Variants in ANO4 observed in about 807,000 individuals in gnomAD.
The protein encoded by ANO4 is anoctamin 4.
A neutral mutation model predicts 141.9 loss-of-function variants in ANO4; 69 were observed. The observed-to-expected ratio is 0.49, with a 90% confidence interval of 0.40 to 0.59. The LOEUF (loss-of-function observed/expected upper bound fraction) is 0.59. Among genes scored for constraint, ANO4 ranks in the 20% least tolerant of loss-of-function variants. The pLI is 0.00. For synonymous variants in ANO4, 350 were observed against 394.3 expected (o/e 0.89, Z 1.33); for missense variants, 894 against 1,162.2 (o/e 0.77, Z 3.36).
At chr12:101,126,188 T>C (rs916767765) in intron 26 of ANO4, among the ~76,000 whole-genome samples, 2 of 152,218 alleles carry the variant, frequency 1.3e-5, no homozygotes, top group Non-Finnish European at 2.9e-5. Flanking sequence ...GAAGAATACT[T>C]AGCAGTATCA....
At chr12:100,926,540 A>T (rs1051868770) in intron 3 of ANO4, among the ~76,000 whole-genome samples, 3 of 152,084 alleles carry the variant, frequency 2.0e-5, no homozygotes, top group Admixed American at 6.6e-5. Context: ...GTTCAACAGG[A>T]AAACAACTTG....
chr12:100,971,489 T>C, intron 6 of ANO4, 83 bp downstream of exon 6: 1 of 1,025,816 alleles, frequency 9.7e-7, no homozygotes, highest in Non-Finnish European at 1.4e-6. Context: ...CAAATAAAAC[T>C]GAAATGCAGA....
chr12:101,077,462 A>G (rs919364578), intron 14 of ANO4, among the ~76,000 whole-genome samples: 5 of 152,198 alleles, frequency 3.3e-5, no homozygotes, highest in Non-Finnish European at 7.3e-5. Flanking sequence ...AGCAAGACTC[A>G]CTGGAAGGAC....
chr12:101,008,975 T>C (rs1301417343), intron 8 of ANO4, among the ~76,000 whole-genome samples: 3 of 152,156 alleles, frequency 2.0e-5, no homozygotes, highest in African/African-American at 7.2e-5. Context: ...CTTTTTTTAT[T>C]GTACCCTCAT....
At chr12:100,989,750 TATGGATGGATGGATGGATGGATGG>T (rs370125379) in intron 8 of ANO4, among the ~76,000 whole-genome samples, 1 of 115,400 alleles carries the variant, frequency 8.7e-6, no homozygotes. Flanking sequence ...TGGATGGATA[TATGGATGGATGGATGGATGGATGG>T]ATGGATGGAT....
intron 2 of ANO4, among the ~76,000 whole-genome samples, chr12:100,908,088 G>A (rs1265999480): frequency 2.0e-5 from 3 of 152,298 alleles, no homozygotes; most frequent in East Asian, 1.9e-4. Context: ...GGATGAGTAC[G>A]GTGGCTCACG....
chr12:100,963,550 A>T (rs909042254), intron 5 of ANO4, among the ~76,000 whole-genome samples: 8 of 152,088 alleles, frequency 5.3e-5, no homozygotes, highest in Admixed American at 5.2e-4. Context: ...ATTGCATCCG[A>T]ATCAGCTGAA....
chr12:101,090,735 CTTAAA>C (rs778875990), intron 17 of ANO4, among the ~76,000 whole-genome samples: 31 of 151,594 alleles, frequency 2.0e-4, no homozygotes, highest in Non-Finnish European at 4.3e-4. Flanking sequence ...TACCCTAGAA[CTTAAA>C]TTAAAAAAAA....
chr12:100,952,081 G>A (rs887356307), intron 5 of ANO4, among the ~76,000 whole-genome samples: 1 of 152,182 alleles, frequency 6.6e-6, no homozygotes, highest in Admixed American at 6.5e-5. Context: ...TGTCTAGGGG[G>A]TAGCGCTTCC....
chr12:100,899,884 CCCA>C (rs2040509083), intron 1 of ANO4, among the ~76,000 whole-genome samples: 1 of 152,028 alleles, frequency 6.6e-6, no homozygotes, highest in East Asian at 1.9e-4. Flanking sequence ...TGTTTTATAT[CCCA>C]TTTACATATA....
At chr12:101,027,604 G>C (rs917103631) in intron 9 of ANO4, among the ~76,000 whole-genome samples, 4 of 152,192 alleles carry the variant, frequency 2.6e-5, no homozygotes, top group Admixed American at 6.5e-5. Context: ...ACTGCAACAA[G>C]AGCGCCTCTT....
intron 1 of ANO4, among the ~76,000 whole-genome samples, chr12:100,846,427 A>C (rs2135830682): frequency 6.6e-6 from 1 of 152,358 alleles, no homozygotes; most frequent in South Asian, 2.1e-4. Flanking sequence ...ATCACTCAAT[A>C]ATTTGATGTT....
At chr12:100,828,762 C>T (rs1263910885) in intron 1 of ANO4, among the ~76,000 whole-genome samples, 1 of 151,948 alleles carries the variant, frequency 6.6e-6, no homozygotes, top group Non-Finnish European at 1.5e-5. Context: ...TATAGCTTAT[C>T]AAATCCTTAA....
intron 5 of ANO4, among the ~76,000 whole-genome samples, chr12:100,965,816 T>G (rs543672796): frequency 2.0e-5 from 3 of 152,184 alleles, no homozygotes; most frequent in Non-Finnish European, 4.4e-5. Context: ...CCAGTTCTTT[T>G]CTGCCACAGA....
intron 1 of ANO4, among the ~76,000 whole-genome samples, chr12:100,729,667 ACT>A (rs778377637): frequency 6.6e-6 from 1 of 151,890 alleles, no homozygotes; most frequent in Non-Finnish European, 1.5e-5. Context: ...TTATCATTTA[ACT>A]CTAGGTGGTT....
At position 101,094,165 on chromosome 12, in the gene ANO4, G is replaced by T; in HGVS notation, c.1702-91G>T. 3 of 999,288 alleles carry T rather than the reference G, an allele frequency of 3.0e-6. No homozygotes were observed. In the South Asian group the frequency reaches 4.3e-5, roughly 14 times the overall value. The allele number at this position is 999,288 out of a possible 1,614,324, so 61.9% of individuals were successfully genotyped here. A position where few individuals can be genotyped will look rare whatever the true frequency, so the allele number is the denominator to read the frequency against. ...AATGGATGCTTAATGAAATTATTTT[G>T]ACTCGTGATTTGACTCCCTATTTCC... On this transcript the variant is annotated intron_variant, in intron 17 of 27. Coordinates refer to ENST00000392977, the MANE Select transcript of ANO4 (RefSeq NM_001286615.2).
At chr12:100,973,568 A>T (rs992478505) in intron 6 of ANO4, among the ~76,000 whole-genome samples, 2 of 152,162 alleles carry the variant, frequency 1.3e-5, no homozygotes, top group African/African-American at 4.8e-5. Flanking sequence ...TTTTAGAGAA[A>T]TTTTTAGGTT....
chr12:101,060,075 T>C (rs2048287340), intron 14 of ANO4, among the ~76,000 whole-genome samples: 1 of 152,244 alleles, frequency 6.6e-6, no homozygotes, highest in Non-Finnish European at 1.5e-5. Context: ...TTCTGGTACG[T>C]TGTGCCTTTG....
chr12:100,913,604 G>T (rs1210673771), intron 2 of ANO4, among the ~76,000 whole-genome samples: 1 of 152,136 alleles, frequency 6.6e-6, no homozygotes, highest in Non-Finnish European at 1.5e-5. Flanking sequence ...TATATATAGG[G>T]TTCAGTACTA....
Sources: allele counts gnomAD v4.1 joint callset (sites outside exome capture counted in the v4.1 genomes callset), GRCh38; gene constraint gnomAD v4.1.1; transcripts MANE v1.5; gene names NCBI Gene and HGNC (gene_info 2026-07-23, HGNC 2026-07-21).